The following ATP8B4 variants were observed in gnomAD, a reference collection of about 807,000 sequenced individuals.
ATP8B4 encodes probable phospholipid-transporting ATPase IM.
In ATP8B4, 133 loss-of-function variants were observed where a neutral mutation model predicts 145.6. That is an observed-to-expected ratio of 0.91 (90% CI 0.79 to 1.05). The LOEUF is 1.05. Ranked by LOEUF, ATP8B4 falls within the 50% of genes least tolerant of loss-of-function variation. The pLI is 0.00. For missense variants in ATP8B4, 1,458 were observed against 1,425.2 expected (o/e 1.02, Z -0.37); for synonymous variants, 507 against 492.9 (o/e 1.03, Z -0.38).
chr15:50,105,610 T>G (rs1455006964), intron 2 of ATP8B4, among the ~76,000 whole-genome samples: 1 of 152,102 alleles, frequency 6.6e-6, no homozygotes, highest in East Asian at 1.9e-4. Flanking sequence ...CACAAATACA[T>G]TAATAGAGGT....
At chr15:49,910,428 G>T (rs1312061971) in intron 20 of ATP8B4, among the ~76,000 whole-genome samples, 2 of 152,142 alleles carry the variant, frequency 1.3e-5, no homozygotes, top group Non-Finnish European at 2.9e-5. Flanking sequence ...AAAGCCTATT[G>T]ATGAAATAAT....
At chr15:50,013,980 G>GA (rs2048904977) in intron 6 of ATP8B4, among the ~76,000 whole-genome samples, 3 of 152,174 alleles carry the variant, frequency 2.0e-5, no homozygotes, top group Non-Finnish European at 4.4e-5. Context: ...TTCAGAAGCT[G>GA]AAAATCAAGT....
chr15:49,924,955 C>T (rs1393383614), intron 16 of ATP8B4, among the ~76,000 whole-genome samples: 2 of 152,146 alleles, frequency 1.3e-5, no homozygotes, highest in African/African-American at 2.4e-5. Context: ...TTCTCCCTTC[C>T]AACACCAGAG....
At chr15:49,966,524 C>A (rs2044557783) in intron 13 of ATP8B4, among the ~76,000 whole-genome samples, 1 of 152,196 alleles carries the variant, frequency 6.6e-6, no homozygotes, top group African/African-American at 2.4e-5. Context: ...AGGCGGAGCC[C>A]ACTGCAGCTC....
At chr15:50,021,075 G>C (rs1178745692) in intron 6 of ATP8B4, among the ~76,000 whole-genome samples, 1 of 152,054 alleles carries the variant, frequency 6.6e-6, no homozygotes, top group Non-Finnish European at 1.5e-5. Context: ...TGTTCTATTT[G>C]TGTGTGCATG....
intron 20 of ATP8B4, among the ~76,000 whole-genome samples, chr15:49,911,365 G>A (rs968001692): frequency 6.6e-5 from 10 of 151,970 alleles, no homozygotes; most frequent in East Asian, 1.9e-4. Flanking sequence ...GCAAACAGGA[G>A]TAGCTATACT....
At chr15:49,974,152 G>A (rs1433246083) in intron 12 of ATP8B4, among the ~76,000 whole-genome samples, 3 of 144,314 alleles carry the variant, frequency 2.1e-5, no homozygotes, top group Non-Finnish European at 4.5e-5. Context: ...GCGCAATCTC[G>A]GCTCACTGCA....
intron 26 of ATP8B4, among the ~76,000 whole-genome samples, chr15:49,864,219 A>G (rs2032381217): frequency 6.6e-6 from 1 of 152,250 alleles, no homozygotes; most frequent in South Asian, 2.1e-4. Context: ...GGAAAAGGCA[A>G]AAGGTGAAGA....
intron 2 of ATP8B4, among the ~76,000 whole-genome samples, chr15:50,083,029 T>C (rs897530281): frequency 2.0e-5 from 3 of 152,186 alleles, no homozygotes; most frequent in Admixed American, 6.5e-5. Flanking sequence ...CAAATTGGTG[T>C]GTGCCTTGGT....
intron 8 of ATP8B4, among the ~76,000 whole-genome samples, chr15:49,998,091 G>A (rs191501338): frequency 8.5e-5 from 13 of 152,188 alleles, no homozygotes; most frequent in African/African-American, 2.4e-4. Context: ...CCTAATCTAC[G>A]TCATGTAATT....
chr15:50,008,141 C>A (rs2153567882), intron 7 of ATP8B4, among the ~76,000 whole-genome samples: 1 of 152,266 alleles, frequency 6.6e-6, no homozygotes. Flanking sequence ...CTCCCAATAC[C>A]CCCACCACAG....
chr15:50,165,055 C>CTT (rs1296261576), intron 1 of ATP8B4, among the ~76,000 whole-genome samples: 1 of 148,702 alleles, frequency 6.7e-6, no homozygotes, highest in African/African-American at 2.5e-5. Flanking sequence ...CTTTTTTTTT[C>CTT]TTTTTTTTTG....
chr15:49,936,996 T>G (rs1050622198), intron 14 of ATP8B4, among the ~76,000 whole-genome samples: 1 of 152,114 alleles, frequency 6.6e-6, no homozygotes, highest in Non-Finnish European at 1.5e-5. Context: ...TCTTGTTTCA[T>G]GGATGTTATA....
chr15:50,076,036 T>A (rs1162038904), intron 2 of ATP8B4, among the ~76,000 whole-genome samples: 1 of 152,224 alleles, frequency 6.6e-6, no homozygotes, highest in Non-Finnish European at 1.5e-5. Context: ...ATCAGATATA[T>A]TAATTATATA....
intron 25 of ATP8B4, among the ~76,000 whole-genome samples, chr15:49,868,039 A>C (rs1453208885): frequency 6.6e-6 from 1 of 152,224 alleles, no homozygotes; most frequent in African/African-American, 2.4e-5. Context: ...GCATTTTAGA[A>C]AGAGAAAAAG....
intron 26 of ATP8B4, among the ~76,000 whole-genome samples, chr15:49,864,733 G>A (rs1299729838): frequency 1.3e-5 from 2 of 151,970 alleles, no homozygotes; most frequent in Admixed American, 6.5e-5. Context: ...ACCAGTAATC[G>A]AGCCACATTT....
chr15:50,048,267 G>A (rs2051881358), intron 3 of ATP8B4, among the ~76,000 whole-genome samples: 1 of 151,710 alleles, frequency 6.6e-6, no homozygotes, highest in South Asian at 2.1e-4. Flanking sequence ...TCTAATGCTT[G>A]TCGGGGGGCA....
intron 20 of ATP8B4, among the ~76,000 whole-genome samples, chr15:49,912,307 A>G (rs1366287838): frequency 6.6e-6 from 1 of 152,130 alleles, no homozygotes; most frequent in Non-Finnish European, 1.5e-5. Flanking sequence ...AAGAGAGAGG[A>G]TCCAAATAAA....
chr15:50,146,886 A>C (rs1258945296), intron 1 of ATP8B4, among the ~76,000 whole-genome samples: 2 of 151,954 alleles, frequency 1.3e-5, no homozygotes, highest in Non-Finnish European at 2.9e-5. Context: ...CCCTTCTGCA[A>C]ATGTTGTGAA....
Sources: gnomAD v4.1 joint callset for allele counts (sites outside exome capture counted in the v4.1 genomes callset) on GRCh38, gnomAD v4.1.1 for gene constraint, MANE v1.5 for transcripts, NCBI Gene and HGNC (gene_info 2026-07-23, HGNC 2026-07-21) for gene names.